PTK2: variants seen among roughly 807,000 people sequenced by gnomAD.
PTK2 encodes the protein focal adhesion kinase 1.
A neutral mutation model predicts 150.1 loss-of-function variants in PTK2; 45 were observed. The ratio of observed to expected loss-of-function variants is 0.30; its 90% confidence interval spans 0.24 to 0.38. The LOEUF is 0.38. Among genes scored for constraint, PTK2 ranks in the 10% least tolerant of loss-of-function variants. The pLI is 1.00. For synonymous variants in PTK2, 432 were observed against 449.2 expected (o/e 0.96, Z 0.48); for missense variants, 919 against 1,307.3 (o/e 0.70, Z 4.58).
At chr8:140,897,236 T>C (rs1057035720) in intron 2 of PTK2, among the ~76,000 whole-genome samples, 3 of 152,144 alleles carry the variant, frequency 2.0e-5, no homozygotes, top group African/African-American at 7.2e-5. Context: ...TAAACAGGCC[T>C]TCATAAATAG....
intron 2 of PTK2, among the ~76,000 whole-genome samples, chr8:140,919,262 C>T (rs1568894520): frequency 6.6e-6 from 1 of 152,198 alleles, no homozygotes; most frequent in Non-Finnish European, 1.5e-5. Flanking sequence ...CTCACCCAAC[C>T]CTAACCTCTA....
rs549367515 is a variant in PTK2, at chr8:140,814,073, G to A, written c.867+4204C>T. Among the ~76,000 whole-genome samples, 10 of 152,210 alleles carry A rather than the reference G, an allele frequency of 6.6e-5. No homozygotes were observed. In the East Asian group the frequency reaches 1.9e-3, roughly 29 times the overall value. On this transcript the variant is annotated intron_variant, in intron 10 of 31. Coordinates refer to ENST00000522684, the Ensembl canonical transcript of PTK2. ...ATCTAGAAGTTATGGATAAATTCCT[G>A]GGCATATAAACCCTCCCAAGACTGA...
intron 14 of PTK2, chr8:140,771,025 A>G: frequency 5.3e-6 from 1 of 188,756 alleles, no homozygotes; most frequent in Non-Finnish European, 1.1e-5. Context: ...CACTTGATAC[A>G]GAAACAAGAC....
intron 4 of PTK2, among the ~76,000 whole-genome samples, chr8:140,867,727 T>A (rs1407276597): frequency 6.6e-6 from 1 of 152,180 alleles, no homozygotes; most frequent in African/African-American, 2.4e-5. Flanking sequence ...AATCTGCCCA[T>A]GTACCCTTGA....
chr8:140,886,772 G>A (rs1040982607), intron 3 of PTK2, among the ~76,000 whole-genome samples: 5 of 152,070 alleles, frequency 3.3e-5, no homozygotes, highest in African/African-American at 1.2e-4. Context: ...TTTTCCCTGA[G>A]CCCTTTGAAG....
intron 2 of PTK2, among the ~76,000 whole-genome samples, chr8:140,912,816 GAGCTTGGT>G (rs1298095132): frequency 1.3e-5 from 2 of 151,818 alleles, no homozygotes; most frequent in Non-Finnish European, 2.9e-5. Flanking sequence ...AAAATTAGAC[GAGCTTGGT>G]AGTCCCAGTT....
rs143489021 is a variant in PTK2, at chr8:140,893,406, T to C, written c.-32-2637A>G. ...TAACCCAAATATCCACATCCATCAA[T>C]GGATAAACAGATTAACAAAATGTGG... On this transcript the variant is annotated intron_variant, in intron 2 of 31. Transcript: ENST00000522684. 4.5e-3 allele frequency among the ~76,000 whole-genome samples: 687 copies of C among 152,234 alleles called. 4 individuals carry two copies. Among genetic ancestry groups the C allele is most frequent in the African/African-American group, 0.016 (650 of 41,552 alleles).
chr8:140,869,041 T>A (rs2100141023), intron 4 of PTK2, among the ~76,000 whole-genome samples: 1 of 152,152 alleles, frequency 6.6e-6, no homozygotes, highest in Non-Finnish European at 1.5e-5. Flanking sequence ...CAACTTTTGA[T>A]ATTATATTGA....
chr8:140,674,242 T>A, intron 29 of PTK2, 56 bp downstream of exon 32: 1 of 1,485,032 alleles, frequency 6.7e-7, no homozygotes, highest in East Asian at 2.3e-5. Context: ...AACTGAGAAC[T>A]AGGGGACACC....
At chr8:140,765,052 T>A (rs2100071582) in intron 14 of PTK2, 1 of 152,190 alleles carries the variant, frequency 6.6e-6, no homozygotes, top group Admixed American at 6.5e-5. Context: ...AAGAAAACAG[T>A]CACTCATGTG....
At chr8:140,694,239 C>T (rs575559384) in intron 26 of PTK2, among the ~76,000 whole-genome samples, 2 of 152,094 alleles carry the variant, frequency 1.3e-5, no homozygotes, top group East Asian at 3.9e-4. Context: ...GACGGGGTTT[C>T]ACCATGTTAG....
At chr8:140,762,734 C>T (rs916734427) in intron 15 of PTK2, among the ~76,000 whole-genome samples, 1 of 151,806 alleles carries the variant, frequency 6.6e-6, no homozygotes, top group East Asian at 1.9e-4. Context: ...GTACAAGTGT[C>T]TATATGGCTA....
chr8:140,971,426 T>C (rs551150192), intron 1 of PTK2, among the ~76,000 whole-genome samples: 1 of 152,342 alleles, frequency 6.6e-6, no homozygotes, highest in African/African-American at 2.4e-5. Context: ...ACTGAGTATC[T>C]TGACTTGGCC....
chr8:140,903,882 A>C (rs2100159770), intron 2 of PTK2, among the ~76,000 whole-genome samples: 1 of 152,204 alleles, frequency 6.6e-6, no homozygotes, highest in African/African-American at 2.4e-5. Context: ...TTATCAGCTT[A>C]AGGAGATTTT....
rs80022884 is a variant in PTK2 at position 140,838,187 on chromosome 8, G to T, written c.594-7661C>A. 1.0e-3 allele frequency among the ~76,000 whole-genome samples: 155 copies of T among 152,266 alleles called. 2 individuals are homozygous for T. In the East Asian group the frequency reaches 0.028, roughly 27 times the overall value. On this transcript the variant is annotated intron_variant, in intron 7 of 31. Coordinates refer to ENST00000522684, the Ensembl canonical transcript of PTK2. The stretch of plus-strand genomic sequence containing the variant: ...GAACATATCATGAGTTTTCTTATTA[G>T]AAAGGAAAAAGAGAACCATGAAATG...
intron 2 of PTK2, 65 bp from the exon 3 acceptor site, chr8:140,890,834 T>C: frequency 4.4e-6 from 6 of 1,363,204 alleles, no homozygotes; most frequent in South Asian, 1.2e-5. Flanking sequence ...CAATGTGATA[T>C]GTTGTTTATA....
intron 14 of PTK2, 151 bp downstream of exon 15, chr8:140,770,565 C>T (rs1182994925): frequency 4.6e-6 from 1 of 215,782 alleles, no homozygotes; most frequent in African/African-American, 2.3e-5. Context: ...CACCCCAATC[C>T]CCTTATTGCT....
chr8:140,663,759 A>G (rs1427461055), intron 31 of PTK2, among the ~76,000 whole-genome samples: 1 of 152,080 alleles, frequency 6.6e-6, no homozygotes, highest in African/African-American at 2.4e-5. Flanking sequence ...CTGTAGCCTG[A>G]AACTCCTGGG....
At chr8:140,846,360 A>G (rs2100125479) in intron 6 of PTK2, 38 bp from the exon 7 acceptor site, 11 of 1,581,984 alleles carry the variant, frequency 7.0e-6, no homozygotes, top group Non-Finnish European at 8.7e-6. Context: ...ATGTATATAT[A>G]AGGAATGTTT....
Sources: allele counts gnomAD v4.1 joint callset (sites outside exome capture counted in the v4.1 genomes callset), GRCh38; gene constraint gnomAD v4.1.1; transcripts MANE v1.5; gene names NCBI Gene and HGNC (gene_info 2026-07-23, HGNC 2026-07-21).